DOK5: variants seen among roughly 807,000 people sequenced by gnomAD.
DOK5 encodes the protein downstream of tyrosine kinase 5.
Under a neutral mutation model 43.3 loss-of-function variants are expected in DOK5, and 27 were observed. That is an observed-to-expected ratio of 0.62 (90% CI 0.46 to 0.86). The LOEUF (loss-of-function observed/expected upper bound fraction) is 0.86, where lower values mean the gene tolerates loss of function less well. Among genes scored for constraint, DOK5 ranks in the 40% least tolerant of loss-of-function variants. The pLI, the probability that DOK5 is intolerant of heterozygous loss-of-function variation, is 0.00. For missense variants in DOK5, 373 were observed against 392.9 expected (o/e 0.95, Z 0.43); for synonymous variants, 146 against 140.1 (o/e 1.04, Z -0.30).
rs188461069 is a variant in DOK5, at chr20:54,504,456, G to T, written c.66+28444G>T. Among the ~76,000 whole-genome samples the T allele has an allele frequency of 1.8e-4, 27 of 152,248 alleles. No homozygotes were observed. In the East Asian group the frequency reaches 4.4e-3, roughly 25 times the overall value. ...AGCAAGATCTGGAAGTTTTAGGGGGGGTTTAAAATTATTGTTACCCACTGA... is the reference window on the plus strand; with the variant it reads ...AGCAAGATCTGGAAGTTTTAGGGGGTGTTTAAAATTATTGTTACCCACTGA... On this transcript the variant is annotated intron_variant, in intron 1 of 7. Transcript: ENST00000262593.
intron 1 of DOK5, among the ~76,000 whole-genome samples, chr20:54,476,804 G>A (rs1313081178): frequency 1.3e-5 from 2 of 152,062 alleles, no homozygotes; most frequent in Non-Finnish European, 2.9e-5. Flanking sequence ...CCTCTCTTTC[G>A]CCCCTTTCTC....
Position 54,481,025 on chromosome 20 carries a change from ATCTATCTATCATCTATCTATCATC to A in DOK5, c.66+5015_66+5038del, listed in dbSNP as rs1981672272. Among the ~76,000 whole-genome samples, 87 of 112,218 alleles carry A rather than the reference ATCTATCTATCATCTATCTATCATC, an allele frequency of 7.8e-4. 1 individual carries two copies. The highest frequency in any genetic ancestry group is 3.1e-3 in the African/African-American group (69 of 22,478). 73.6% of individuals were successfully genotyped at this position (112,218 alleles called of 152,430 possible). A position where few individuals can be genotyped will look rare whatever the true frequency, so the allele number is the denominator to read the frequency against. On this transcript the variant is annotated intron_variant, in intron 1 of 7. Transcript: ENST00000262593. Reference sequence around the variant, plus strand: ...ATCATCTATCATCTATCTATCTATCATCTATCTATCATCTATCTATCATCTGTCTATCATCTATCTATCATCTAT... The same window carrying A: ...ATCATCTATCATCTATCTATCTATCATGTCTATCATCTATCTATCATCTAT...
At chr20:54,531,722 A>G (rs1983776893) in intron 1 of DOK5, among the ~76,000 whole-genome samples, 1 of 152,204 alleles carries the variant, frequency 6.6e-6, no homozygotes, top group Non-Finnish European at 1.5e-5. Flanking sequence ...AGAAAGATTT[A>G]TGTGAATGCC....
chr20:54,611,275 A>C (rs1356166566), intron 6 of DOK5, among the ~76,000 whole-genome samples: 2 of 152,188 alleles, frequency 1.3e-5, no homozygotes, highest in Admixed American at 1.3e-4. Flanking sequence ...AATTATGTTC[A>C]TGAGGCCAGG....
At chr20:54,650,246 A>G (rs1048739944) in intron 7 of DOK5, among the ~76,000 whole-genome samples, 169 bp from the exon 8 acceptor site, 4 of 152,214 alleles carry the variant, frequency 2.6e-5, no homozygotes, top group African/African-American at 9.6e-5. Flanking sequence ...TGATACGTAA[A>G]TCATGCAATC....
At position 54,572,319 on chromosome 20, in the gene DOK5, C is replaced by G. The variant is rs190509993; in HGVS notation, c.175-16164C>G. 1.7e-3 allele frequency among the ~76,000 whole-genome samples: 259 copies of G among 152,184 alleles called. 1 individual carries two copies. The highest frequency in any genetic ancestry group is 6.2e-3 in the South Asian group (30 of 4,822). On this transcript the variant is annotated intron_variant, in intron 2 of 7. Coordinates refer to ENST00000262593, the MANE Select transcript of DOK5 (RefSeq NM_018431.5). ...GGGACTACAGGTACTCGCCACCACGCCCGGCTAATTTTTTGTATTTCTTTA... is the reference window on the plus strand; with the variant it reads ...GGGACTACAGGTACTCGCCACCACGGCCGGCTAATTTTTTGTATTTCTTTA...
chr20:54,554,938 T>C lies in DOK5; in HGVS notation c.72T>C (p.Tyr24=). The C allele has an allele frequency of 6.2e-7, 1 of 1,608,806 alleles. No homozygotes were observed. Among genetic ancestry groups the C allele is most frequent in the Non-Finnish European group, 8.5e-7 (1 of 1,175,220 alleles). Residue 24 remains tyrosine, a synonymous_variant, in exon 2 of 8, where the codon TAT becomes TAC. Coordinates refer to ENST00000262593, the MANE Select transcript of DOK5 (RefSeq NM_018431.5). ...VRIRSRRLGI[Y]QRCWLVFKKA... ...GTCTTTGTATTTCCTTCCAGATTTATCAGCGATGCTGGTTAGTATTCAAGA... is the reference window on the plus strand; with the variant it reads ...GTCTTTGTATTTCCTTCCAGATTTACCAGCGATGCTGGTTAGTATTCAAGA...
rs2146745353 is a variant in DOK5 at position 54,568,971 on chromosome 20, T to C, written c.174+13931T>C. 1.9e-5 allele frequency among the ~76,000 whole-genome samples: 2 copies of C among 107,666 alleles called. 1 individual carries two copies. The highest frequency in any genetic ancestry group is 4.9e-4 in the East Asian group (2 of 4,076). 70.6% of individuals were successfully genotyped at this position (107,666 alleles called of 152,430 possible). On this transcript the variant is annotated intron_variant, in intron 2 of 7. Coordinates refer to ENST00000262593, the MANE Select transcript of DOK5 (RefSeq NM_018431.5). ...AATAAATAAACGTTTCTGAAATGTA[T>C]GGACTAAAACGCAAAAAAAAAAAAA...
chr20:54,505,861 G>A (rs1282696528), intron 1 of DOK5, among the ~76,000 whole-genome samples: 2 of 152,188 alleles, frequency 1.3e-5, no homozygotes, highest in Non-Finnish European at 2.9e-5. Context: ...GGAGGCCAGT[G>A]TACTCAAAGC....
At chr20:54,632,620 C>G (rs190981024) in intron 6 of DOK5, among the ~76,000 whole-genome samples, 1 of 152,168 alleles carries the variant, frequency 6.6e-6, no homozygotes, top group Admixed American at 6.5e-5. Flanking sequence ...GTGGCAGATT[C>G]TAGACTTTAA....
rs386394048 is a variant in DOK5 at position 54,646,248 on chromosome 20, G to GTTTTTTTTTTTTTTTTTTTTTTTT, written c.856+2671_856+2694dup. ...TACTGTTATATCCACTGGTTATACT[G>GTTTTTTTTTTTTTTTTTTTTTTTT]TTTTTTTTTTTTTTTTTTTTTTTTG... On this transcript the variant is annotated intron_variant, in intron 7 of 7. Coordinates refer to ENST00000262593, the MANE Select transcript of DOK5 (RefSeq NM_018431.5). Among the ~76,000 whole-genome samples the GTTTTTTTTTTTTTTTTTTTTTTTT allele has an allele frequency of 9.8e-4, 78 of 79,930 alleles. 8 individuals carry two copies. Among genetic ancestry groups the GTTTTTTTTTTTTTTTTTTTTTTTT allele is most frequent in the African/African-American group, 1.7e-3 (32 of 18,994 alleles). 52.4% of individuals were successfully genotyped at this position (79,930 alleles called of 152,430 possible). A position where few individuals can be genotyped will look rare whatever the true frequency, so the allele number is the denominator to read the frequency against.
intron 2 of DOK5, among the ~76,000 whole-genome samples, chr20:54,571,785 C>G (rs1172255893): frequency 1.3e-5 from 2 of 152,186 alleles, no homozygotes; most frequent in Non-Finnish European, 2.9e-5. Flanking sequence ...CTGAGTGCAG[C>G]GTACCAGCCC....
chr20:54,582,012 G>A (rs1985660153), intron 2 of DOK5, among the ~76,000 whole-genome samples: 1 of 151,880 alleles, frequency 6.6e-6, no homozygotes, highest in Non-Finnish European at 1.5e-5. Flanking sequence ...TCACCATTGA[G>A]TATATGGTCT....
chr20:54,579,294 A>G (rs1985555599), intron 2 of DOK5, among the ~76,000 whole-genome samples: 1 of 152,134 alleles, frequency 6.6e-6, no homozygotes, highest in Admixed American at 6.6e-5. Flanking sequence ...AAAAAATACA[A>G]TGGATAGAAA....
Position 54,591,661 on chromosome 20 carries a change from A to G in DOK5, c.455A>G (p.His152Arg). The change falls in exon 5 of 8, where the codon CAT becomes CGT. Residue 152 changes from histidine (H) to arginine (R), a missense_variant. Physicochemically the swap from His to Arg is conservative, Grantham distance 29 (BLOSUM62 0). Transcript: ENST00000262593. ...ATGCCATCTCCTAACTTAGATGTAC[A>G]TGGCGAATGTGCCTTGCAGATTACA... ...YLMPSPNLDVHGECALQITYE... is the reference protein window; with the variant it reads ...YLMPSPNLDVRGECALQITYE... 1 of 1,613,434 alleles carries G rather than the reference A, an allele frequency of 6.2e-7. No homozygotes were observed. The highest frequency in any genetic ancestry group is 8.5e-7 in the Non-Finnish European group (1 of 1,179,810).
At chr20:54,618,693 A>C (rs1480667110) in intron 6 of DOK5, among the ~76,000 whole-genome samples, 1 of 152,076 alleles carries the variant, frequency 6.6e-6, no homozygotes, top group Non-Finnish European at 1.5e-5. Context: ...TTTCAGAAGC[A>C]TCTATCAATG....
chr20:54,561,775 C>A (rs1342386602), intron 2 of DOK5, among the ~76,000 whole-genome samples: 1 of 152,194 alleles, frequency 6.6e-6, no homozygotes, highest in Non-Finnish European at 1.5e-5. Context: ...CCTGCCTCAG[C>A]CTTCCCAAGT....
intron 1 of DOK5, among the ~76,000 whole-genome samples, chr20:54,535,527 A>ATT (rs11481797): frequency 2.6e-4 from 39 of 147,384 alleles, no homozygotes; most frequent in Admixed American, 1.6e-3. Flanking sequence ...CTAATTTGGG[A>ATT]TTTTTTTTTT....
At chr20:54,643,912 G>A (rs956791052) in intron 7 of DOK5, among the ~76,000 whole-genome samples, 4 of 152,208 alleles carry the variant, frequency 2.6e-5, no homozygotes, top group Admixed American at 2.6e-4. Flanking sequence ...GGGTCTGGGC[G>A]AGGGGCCAGG....
Sources: allele counts gnomAD v4.1 joint callset (sites outside exome capture counted in the v4.1 genomes callset), GRCh38; gene constraint gnomAD v4.1.1; transcripts MANE v1.5; gene names NCBI Gene and HGNC (gene_info 2026-07-23, HGNC 2026-07-21).